IRX4: variants seen among roughly 807,000 people sequenced by gnomAD.
The protein encoded by IRX4 is iroquois-class homeodomain protein IRX-4.
Under a neutral mutation model 32.0 loss-of-function variants are expected in IRX4, and 22 were observed. That is an observed-to-expected ratio of 0.69 (90% CI 0.49 to 0.98). The LOEUF is 0.98. Among genes scored for constraint, IRX4 ranks in the 50% least tolerant of loss-of-function variants. The pLI, the probability that IRX4 is intolerant of heterozygous loss-of-function variation, is 0.00. For synonymous variants in IRX4, 379 were observed against 351.7 expected (o/e 1.08, Z -0.87); for missense variants, 840 against 744.2 (o/e 1.13, Z -1.50).
Position 1,878,884 on chromosome 5 carries a change from G to A in IRX4, c.737-92C>T, listed in dbSNP as rs528142904. 3.8e-5 allele frequency: 53 copies of A among 1,382,242 alleles called. No individual in the cohort carries two copies. In the African/African-American group the frequency reaches 7.2e-4, roughly 19 times the overall value. 85.6% of individuals were successfully genotyped at this position (1,382,242 alleles called of 1,614,324 possible). A position where few individuals can be genotyped will look rare whatever the true frequency, so the allele number is the denominator to read the frequency against. ...GTCCACCATTATGAGGCCTGTTCCC[G>A]ACGCTACGAAAAGCACTCGGGGCCT... On this transcript the variant is annotated intron_variant, in intron 4 of 4. Transcript: ENST00000231357.
In IRX4 at chr5:1,878,091, C is replaced by G. The variant is rs753665585; in HGVS notation, c.1438G>C (p.Val480Leu). The G allele has an allele frequency of 3.3e-6, 5 of 1,532,344 alleles. No homozygotes were observed. Among genetic ancestry groups the G allele is most frequent in the Non-Finnish European group, 4.4e-6 (5 of 1,145,116 alleles). 94.9% of individuals were successfully genotyped at this position (1,532,344 alleles called of 1,614,324 possible). ...LGRSLGAGAN[V>L]LTAPLARAFP... is the part of the protein sequence containing the mutation. ...GCGCGGGCCAGGGGTGCAGTCAGCA[C>G]GTTCGCGCCCGCCCCCAGCGAGCGT... is the stretch of plus-strand genomic sequence containing the variant. The change falls in exon 5 of 5, where the codon GTG (valine) becomes CTG (leucine). Residue 480 changes from valine to leucine, a missense_variant. Val to Leu is a conservative substitution (Grantham distance 32). Around this residue, in one of 3 missense-constraint regions of IRX4, gnomAD observed 585 missense variants for 488.0 expected, o/e 1.20. Coordinates refer to ENST00000231357, the MANE Select transcript of IRX4 (RefSeq NM_016358.3).
upstream of IRX4, among the ~76,000 whole-genome samples, chr5:1,886,176 C>T (rs1410913767): frequency 6.6e-6 from 1 of 152,266 alleles, no homozygotes; most frequent in East Asian, 1.9e-4. Flanking sequence ...GGGAGACAGG[C>T]CGGGCCCTGA....
In IRX4 at chr5:1,878,696, G is replaced by T. The variant is rs958434655; in HGVS notation, c.833C>A (p.Pro278His). Residue 278 changes from proline (P) to histidine (H), a missense_variant, in exon 5 of 5, where the codon CCC (proline) becomes CAC (histidine). Physicochemically the swap from Pro to His is moderately conservative, Grantham distance 77 (BLOSUM62 -2). Coordinates refer to ENST00000231357, the MANE Select transcript of IRX4 (RefSeq NM_016358.3). ...CAGACCGCCGTCCAGGGAGTGGAAG[G>T]GCGGCTTCAGCTCGCACGCCGGCGG... Reference protein sequence around the residue: ...AEPPACELKPPFHSLDGGLER... With the variant: ...AEPPACELKPHFHSLDGGLER... The T allele has an allele frequency of 5.0e-6, 8 of 1,610,888 alleles. No individual in the cohort carries two copies. Among genetic ancestry groups the T allele is most frequent in the Non-Finnish European group, 6.8e-6 (8 of 1,179,290 alleles).
In IRX4 at chr5:1,879,507, C is replaced by T. The variant is rs781090292; in HGVS notation, c.733G>A (p.Ala245Thr). 4.3e-6 allele frequency: 7 copies of T among 1,613,158 alleles called. No individual in the cohort carries two copies. The South Asian group carries it at 7.7e-5, about 18-fold the overall frequency. The change falls in exon 4 of 5, where the codon GCA (alanine) becomes ACA (threonine). Residue 245 changes from alanine to threonine, a missense_variant. Coordinates refer to ENST00000231357, the MANE Select transcript of IRX4 (RefSeq NM_016358.3). ...REEPLKSSKN[A>T]EPVGKEEKEL... ...CAGTGACAACCTCCCAACCCACCTG[C>T]GTTCTTGGAGCTCTTGAGGGGCTCC...
chr5:1,880,466 C>T (rs1285419981), intron 3 of IRX4, among the ~76,000 whole-genome samples: 3 of 152,182 alleles, frequency 2.0e-5, no homozygotes, highest in Admixed American at 6.5e-5. Context: ...TGAAAGCTGC[C>T]GCACATTTAG....
In IRX4 at chr5:1,879,757, C is replaced by A. The variant is rs772278717; in HGVS notation, c.483G>T (p.Leu161=). The change falls in exon 4 of 5, where the codon CTG becomes CTT. Residue 161 remains leucine (L), a synonymous_variant. Coordinates refer to ENST00000231357, the MANE Select transcript of IRX4 (RefSeq NM_016358.3). ...GGTAGGGGTTCTTGCGGTGCTCCTG[C>A]AGCCAGGCCTTGAGCGTGCTGGTGG... is the stretch of plus-strand genomic sequence containing the variant. ...RETTSTLKAW[L]QEHRKNPYPT... 1 of 1,614,232 alleles carries A rather than the reference C, an allele frequency of 6.2e-7. No homozygotes were observed. The highest frequency in any genetic ancestry group is 8.5e-7 in the Non-Finnish European group (1 of 1,180,042).
chr5:1,878,223 T>C lies in IRX4; in HGVS notation c.1306A>G (p.Arg436Gly). The C allele has an allele frequency of 6.2e-7, 1 of 1,604,964 alleles. No homozygotes were observed. Among genetic ancestry groups the C allele is most frequent in the Non-Finnish European group, 8.5e-7 (1 of 1,176,792 alleles). Residue 436 changes from arginine to glycine, a missense_variant, in exon 5 of 5, where the codon AGA (arginine) becomes GGA (glycine). Physicochemically the swap from Arg to Gly is moderately radical, Grantham distance 125. Coordinates refer to ENST00000231357, the MANE Select transcript of IRX4 (RefSeq NM_016358.3). ...RHQDSPVTSL[R>G]NWVDGVFHDP... The stretch of plus-strand genomic sequence containing the variant: ...TGGAAGACCCCGTCCACCCAGTTTC[T>C]GAGACTGGTTACCGGGGAGTCCTGG...
At position 1,878,386 on chromosome 5, in the gene IRX4, G is replaced by A. The variant is rs1217971196; in HGVS notation, c.1143C>T (p.Ala381=). The A allele has an allele frequency of 6.5e-7, 1 of 1,527,094 alleles. No individual in the cohort carries two copies. The highest frequency in any genetic ancestry group is 8.8e-7 in the Non-Finnish European group (1 of 1,140,770). 94.6% of individuals were successfully genotyped at this position (1,527,094 alleles called of 1,614,324 possible). The part of the protein sequence containing the change: ...LAHTATAAAA[A]ATSLSQTEFP... ...ACTCAGTCTGGCTCAGGGAGGTGGC[G>A]GCGGCGGCGGCGGCGGTGGCTGTGT... The change falls in exon 5 of 5, where the codon GCC becomes GCT. Residue 381 remains alanine (A), a synonymous_variant. Coordinates refer to ENST00000231357, the MANE Select transcript of IRX4 (RefSeq NM_016358.3).
At chr5:1,880,068 G>A (rs1735375859) in intron 3 of IRX4, 1 of 1,533,990 alleles carries the variant, frequency 6.5e-7, no homozygotes, top group Non-Finnish European at 8.7e-7. Context: ...AAACTTACAG[G>A]GAGCCTGGGC....
Position 1,877,955 on chromosome 5 carries a change from G to C in IRX4, c.*14C>G, listed in dbSNP as rs1735259386. Reference sequence around the variant, plus strand: ...TGAGCGCGGGTTCCCTCCTGGGCTCGGGACCCGCCCGCCTCAGGCGCAGAA... The same window carrying C: ...TGAGCGCGGGTTCCCTCCTGGGCTCCGGACCCGCCCGCCTCAGGCGCAGAA... On this transcript the variant is annotated 3_prime_UTR_variant, in exon 5 of 5. Coordinates refer to ENST00000231357, the MANE Select transcript of IRX4 (RefSeq NM_016358.3). 6.7e-7 allele frequency: 1 copy of C among 1,493,072 alleles called. No homozygotes were observed. The highest frequency in any genetic ancestry group is 1.4e-5 in the African/African-American group (1 of 69,268). The allele number at this position is 1,493,072 out of a possible 1,614,324, so 92.5% of individuals were successfully genotyped here.
At position 1,878,317 on chromosome 5, in the gene IRX4, C is replaced by G. The variant is rs1377590459; in HGVS notation, c.1212G>C (p.Ala404=). The part of the protein sequence containing the change: ...MLKRQGPAAP[A]AVSSAPATSP... ...ACGTGGCGGGCGCGGAGGACACAGC[C>G]GCAGGGGCCGCGGGACCTTGGCGCT... The change falls in exon 5 of 5, where the codon GCG becomes GCC. Residue 404 remains alanine (A), a synonymous_variant. Transcript: ENST00000231357. 2 of 1,564,994 alleles carry G rather than the reference C, an allele frequency of 1.3e-6. No homozygotes were observed. Among genetic ancestry groups the G allele is most frequent in the South Asian group, 2.3e-5 (2 of 85,444 alleles).
upstream of IRX4, among the ~76,000 whole-genome samples, chr5:1,885,086 G>A (rs1735585510): frequency 6.6e-6 from 1 of 152,132 alleles, no homozygotes; most frequent in East Asian, 1.9e-4. Flanking sequence ...GCGACTGTGA[G>A]CACTCCGCCG....
rs748535457 is a variant in IRX4 at position 1,879,605 on chromosome 5, T to G, written c.635A>C (p.Asn212Thr). 1.9e-6 allele frequency: 3 copies of G among 1,613,980 alleles called. No homozygotes were observed. The highest frequency in any genetic ancestry group is 2.5e-6 in the Non-Finnish European group (3 of 1,180,008). The change falls in exon 4 of 5, where the codon AAC (asparagine) becomes ACC (threonine). Residue 212 changes from asparagine to threonine, a missense_variant. Asn to Thr is a moderately conservative substitution (Grantham distance 65). Transcript: ENST00000231357. ...KENKMTWPPR[N>T]KCADEKRPYA... ...GGGCCGCTTCTCGTCTGCGCACTTG[T>G]TCCGCGGCGGCCACGTCATCTTGTT...
rs1735444979 is a variant in IRX4 at position 1,881,674 on chromosome 5, T to C, written c.297+134A>G. The C allele has an allele frequency of 3.5e-6, 4 of 1,145,846 alleles. No individual in the cohort carries two copies. The South Asian group carries it at 4.5e-5, about 13-fold the overall frequency. 71.0% of individuals were successfully genotyped at this position (1,145,846 alleles called of 1,614,324 possible). ...AGGGTCTCGGCTGGGAGGCGCAAAGTTGAAGGCAGCCAAGGTGAGCGCCTC... is the reference window on the plus strand; with the variant it reads ...AGGGTCTCGGCTGGGAGGCGCAAAGCTGAAGGCAGCCAAGGTGAGCGCCTC... On this transcript the variant is annotated intron_variant, in intron 2 of 4. Coordinates refer to ENST00000231357, the MANE Select transcript of IRX4 (RefSeq NM_016358.3).
intron 1 of IRX4, 92 bp downstream of exon 1, chr5:1,882,511 A>G (rs1735487439): frequency 9.1e-7 from 1 of 1,100,964 alleles, no homozygotes; most frequent in African/African-American, 1.6e-5. Context: ...AGCCGCAGGC[A>G]GTCGTAGGTC....
chr5:1,877,437 C>A lies in IRX4; in HGVS notation c.*532G>T, dbSNP rs1208062670. The A allele has an allele frequency of 1.3e-5, 2 of 152,668 alleles. No individual in the cohort carries two copies. Among genetic ancestry groups the A allele is most frequent in the African/African-American group, 4.8e-5 (2 of 41,468 alleles). The allele number at this position is 152,668 out of a possible 1,614,324, so 9.5% of individuals were successfully genotyped here. A position where few individuals can be genotyped will look rare whatever the true frequency, so the allele number is the denominator to read the frequency against. On this transcript the variant is annotated 3_prime_UTR_variant, in exon 5 of 5. Transcript: ENST00000231357. Reference sequence around the variant, plus strand: ...ATTTTGCAATACAAACACCATCACTCGGTTTTATTGGTTTTGTTATATTAG... The same window carrying A: ...ATTTTGCAATACAAACACCATCACTAGGTTTTATTGGTTTTGTTATATTAG...
Position 1,878,389 on chromosome 5 carries a change from G to A in IRX4, c.1140C>T (p.Ala380=). The change falls in exon 5 of 5, where the codon GCC becomes GCT. Residue 380 remains alanine, a synonymous_variant. Coordinates refer to ENST00000231357, the MANE Select transcript of IRX4 (RefSeq NM_016358.3). ...SLAHTATAAA[A]AATSLSQTEF... ...CAGTCTGGCTCAGGGAGGTGGCGGCGGCGGCGGCGGCGGTGGCTGTGTGGG... is the reference window on the plus strand; with the variant it reads ...CAGTCTGGCTCAGGGAGGTGGCGGCAGCGGCGGCGGCGGTGGCTGTGTGGG... 1.3e-6 allele frequency: 2 copies of A among 1,528,180 alleles called. No homozygotes were observed. The highest frequency in any genetic ancestry group is 1.8e-6 in the Non-Finnish European group (2 of 1,141,358). 94.7% of individuals were successfully genotyped at this position (1,528,180 alleles called of 1,614,324 possible).
chr5:1,878,568 C>A lies in IRX4; in HGVS notation c.961G>T (p.Glu321Ter). ...GGGAALDEDLERARSCLRSAA... is the reference protein window; with the variant it reads ...GGGAALDEDL Reference sequence around the variant, plus strand: ...CTGCGGAGACAGCTCCGGGCCCTCTCCAGGTCCTCGTCCAGAGCAGCTCCG... The same window carrying A: ...CTGCGGAGACAGCTCCGGGCCCTCTACAGGTCCTCGTCCAGAGCAGCTCCG... Residue 321 changes from glutamate (E) to a stop codon, truncating the protein, a stop_gained, in exon 5 of 5, where the codon GAG becomes TAG. Coordinates refer to ENST00000231357, the MANE Select transcript of IRX4 (RefSeq NM_016358.3). LOFTEE classifies it low-confidence loss of function (END_TRUNC). 6.5e-7 allele frequency: 1 copy of A among 1,546,198 alleles called. No individual in the cohort carries two copies. The highest frequency in any genetic ancestry group is 1.4e-5 in the African/African-American group (1 of 73,088).
chr5:1,877,527 G>A lies in IRX4; in HGVS notation c.*442C>T, dbSNP rs1197646975. 6.8e-6 allele frequency: 1 copy of A among 146,232 alleles called. No homozygotes were observed. The highest frequency in any genetic ancestry group is 2.7e-5 in the African/African-American group (1 of 37,428). 9.1% of individuals were successfully genotyped at this position (146,232 alleles called of 1,614,324 possible). On this transcript the variant is annotated 3_prime_UTR_variant, in exon 5 of 5. Coordinates refer to ENST00000231357, the MANE Select transcript of IRX4 (RefSeq NM_016358.3). Reference sequence around the variant, plus strand: ...AAAAAGCATCATATTATGGAGTCAAGAGTGTGCAAGAGTCAACTCAGTGCA... The same window carrying A: ...AAAAAGCATCATATTATGGAGTCAAAAGTGTGCAAGAGTCAACTCAGTGCA...
Sources: allele counts gnomAD v4.1 joint callset (sites outside exome capture counted in the v4.1 genomes callset), GRCh38; gene constraint gnomAD v4.1.1; regional missense constraint gnomAD v4.1.1; transcripts MANE v1.5; gene names NCBI Gene and HGNC (gene_info 2026-07-23, HGNC 2026-07-21).